Variants in RNF20 observed in about 807,000 individuals in gnomAD.
The protein encoded by RNF20 is E3 ubiquitin-protein ligase BRE1A.
In RNF20, 84 loss-of-function variants were observed where a neutral mutation model predicts 126.2. That is an observed-to-expected ratio of 0.67 (90% CI 0.56 to 0.80). The LOEUF is 0.80. Ranked by LOEUF, RNF20 falls within the 30% of genes least tolerant of loss-of-function variation. The pLI is 0.00. For missense variants in RNF20, 869 were observed against 1,188.2 expected, an observed-to-expected ratio of 0.73 and a Z score of 3.95; for synonymous variants, 400 against 414.3, an observed-to-expected ratio of 0.97 and a Z score of 0.42.
chr9:101,546,326 A>G (rs1827347182), intron 6 of RNF20, among the ~76,000 whole-genome samples: 2 of 152,168 alleles, frequency 1.3e-5, no homozygotes, highest in Admixed American at 1.3e-4. Context: ...ACTGTATTGT[A>G]TCTGACTCTA....
At position 101,546,819 on chromosome 9, in the gene RNF20, G is replaced by C; in HGVS notation, c.748-1G>C. On this transcript the variant is annotated splice_acceptor_variant, in intron 6 of 19. Transcript: ENST00000389120. LOFTEE classifies it high-confidence loss of function. ...TCTGAATGTTTGTCTTTGGGATGTAGTTCTCCAAGTTGCAGAGTAAAGTGG... is the reference window on the plus strand; with the variant it reads ...TCTGAATGTTTGTCTTTGGGATGTACTTCTCCAAGTTGCAGAGTAAAGTGG... 6.2e-7 allele frequency: 1 copy of C among 1,614,074 alleles called. No homozygotes were observed. The highest frequency in any genetic ancestry group is 8.5e-7 in the Non-Finnish European group (1 of 1,179,952).
At chr9:101,554,909 A>C (rs966772475) in intron 15 of RNF20, 66 bp downstream of exon 15, 4 of 1,277,838 alleles carry the variant, frequency 3.1e-6, no homozygotes, top group African/African-American at 1.5e-5. Flanking sequence ...AGTTATTGCC[A>C]GTGAAATTTG....
chr9:101,552,539 A>T lies in RNF20; in HGVS notation c.1687A>T (p.Lys563Ter). ...GGAGGATGCCAATGAAATCAAGTCT[A>T]AACGGGATGAAGAAGAACGAGAACG... is the stretch of plus-strand genomic sequence containing the variant. ...SQEDANEIKS[K>*]RDEEERERER... Residue 563 changes from lysine (K) to a stop codon, truncating the protein, a stop_gained, in exon 13 of 20, where the codon AAA becomes TAA. Coordinates refer to ENST00000389120, the MANE Select transcript of RNF20 (RefSeq NM_019592.7). LOFTEE classifies it high-confidence loss of function. The T allele has an allele frequency of 1.2e-6, 2 of 1,613,902 alleles. No individual in the cohort carries two copies. The highest frequency in any genetic ancestry group is 1.7e-6 in the Non-Finnish European group (2 of 1,179,852).
chr9:101,545,655 T>G lies in RNF20; in HGVS notation c.747+770T>G, dbSNP rs543826309. Among the ~76,000 whole-genome samples the G allele has an allele frequency of 2.0e-5, 3 of 152,348 alleles. No individual in the cohort carries two copies. The South Asian group carries it at 6.2e-4, about 32-fold the overall frequency. ...TTGCATGAATATCATCTGGGGAATT[T>G]ATTAATTCATATGGATTATCCTGGA... On this transcript the variant is annotated intron_variant, in intron 6 of 19. Transcript: ENST00000389120.
intron 2 of RNF20, 106 bp downstream of exon 2, chr9:101,535,658 GAA>G: frequency 2.4e-6 from 3 of 1,275,048 alleles, no homozygotes; most frequent in South Asian, 2.9e-5. Flanking sequence ...TATTTGAAAA[GAA>G]GAGGGAAATA....
intron 16 of RNF20, among the ~76,000 whole-genome samples, chr9:101,559,891 A>C (rs1827598622): frequency 6.6e-6 from 1 of 152,014 alleles, no homozygotes; most frequent in Non-Finnish European, 1.5e-5. Flanking sequence ...GATGCCTTTT[A>C]TTTCTTTCTC....
intron 17 of RNF20, 33 bp from the exon 18 acceptor site, chr9:101,561,057 C>A (rs750468534): frequency 3.7e-6 from 6 of 1,610,318 alleles, no homozygotes; most frequent in Non-Finnish European, 5.1e-6. Context: ...ATAGGTGATA[C>A]AATGGTGTCA....
At chr9:101,542,893 A>C (rs146399620) in intron 5 of RNF20, among the ~76,000 whole-genome samples, 1 of 152,236 alleles carries the variant, frequency 6.6e-6, no homozygotes, top group Admixed American at 6.5e-5. Flanking sequence ...TGCCATTGGT[A>C]AGCTGAACTT....
chr9:101,544,282 T>A (rs1422677943), intron 5 of RNF20, among the ~76,000 whole-genome samples: 5 of 152,212 alleles, frequency 3.3e-5, no homozygotes, highest in African/African-American at 4.8e-5. Context: ...TAAGAGCATA[T>A]GATTCTTGCT....
intron 6 of RNF20, among the ~76,000 whole-genome samples, chr9:101,545,798 T>G (rs1186244902): frequency 6.6e-6 from 1 of 152,222 alleles, no homozygotes; most frequent in Non-Finnish European, 1.5e-5. Context: ...TGGAGAGGTC[T>G]TCCTTTTCTA....
intron 18 of RNF20, 148 bp downstream of exon 18, chr9:101,561,378 C>A: frequency 1.3e-6 from 1 of 769,980 alleles, no homozygotes; most frequent in Non-Finnish European, 2.1e-6. Context: ...AGTCTGTTTT[C>A]TTCACTGCCA....
chr9:101,534,936 C>G (rs918324617), intron 1 of RNF20, among the ~76,000 whole-genome samples: 3 of 146,912 alleles, frequency 2.0e-5, no homozygotes, highest in Admixed American at 1.4e-4. Context: ...GAGACGGAGT[C>G]CCGCTCTGTT....
At chr9:101,535,269 T>G in intron 1 of RNF20, 129 bp from the exon 2 acceptor site, 2 of 523,972 alleles carry the variant, frequency 3.8e-6, no homozygotes, top group East Asian at 3.6e-5. Flanking sequence ...AATATGGAGA[T>G]GGTTGTGGAA....
chr9:101,534,611 G>C (rs1047847930), intron 1 of RNF20, among the ~76,000 whole-genome samples: 1 of 152,242 alleles, frequency 6.6e-6, no homozygotes, highest in South Asian at 2.1e-4. Context: ...ATATACTGTG[G>C]TTATTTATTC....
chr9:101,552,522 C>G lies in RNF20; in HGVS notation c.1670C>G (p.Ala557Gly). 2 of 1,613,622 alleles carry G rather than the reference C, an allele frequency of 1.2e-6. No homozygotes were observed. The highest frequency in any genetic ancestry group is 1.7e-6 in the Non-Finnish European group (2 of 1,179,940). The change falls in exon 13 of 20, where the codon GCC becomes GGC. Residue 557 changes from alanine to glycine, a missense_variant. Ala to Gly is a moderately conservative substitution (Grantham distance 60, BLOSUM62 0). Around this residue, in one of 8 missense-constraint regions of RNF20, gnomAD observed 231 missense variants for 263.6 expected, o/e 0.88. Transcript: ENST00000389120. ...GCTTCAAAGGCATCTCAGGAGGATG[C>G]CAATGAAATCAAGTCTAAACGGGAT... ...SSASKASQED[A>G]NEIKSKRDEE...
At chr9:101,556,269 T>C (rs1421542320) in intron 15 of RNF20, among the ~76,000 whole-genome samples, 1 of 152,068 alleles carries the variant, frequency 6.6e-6, no homozygotes, top group Non-Finnish European at 1.5e-5. Flanking sequence ...ACAAGAGAAA[T>C]TGAAAAAGAA....
chr9:101,562,164 C>T, intron 19 of RNF20, 82 bp from the exon 20 acceptor site: 1 of 1,456,300 alleles, frequency 6.9e-7, no homozygotes, highest in Non-Finnish European at 9.4e-7. Context: ...TGTGGGTTTT[C>T]TTCTTGGTTG....
At chr9:101,546,072 T>C (rs1827342677) in intron 6 of RNF20, among the ~76,000 whole-genome samples, 1 of 152,154 alleles carries the variant, frequency 6.6e-6, no homozygotes, top group South Asian at 2.1e-4. Flanking sequence ...GCCTCAAAAT[T>C]GTGTAGTGAC....
rs1827239125 is a variant in RNF20, at chr9:101,540,293, GA to G, written c.221del (p.Glu74GlyfsTer18). 6.2e-7 allele frequency: 1 copy of G among 1,614,034 alleles called. No homozygotes were observed. The highest frequency in any genetic ancestry group is 1.3e-5 in the African/African-American group (1 of 74,912). ...QRQAIEDELREHIEKLERRQA... is the reference protein window; with the variant it reads ...QRQAIEDELRXHIEKLERRQA... ...GCAGGCCATTGAAGATGAACTTCGT[GA>G]GCACATTGAAAAACTGGAACGACGA... is the stretch of plus-strand genomic sequence containing the variant. On this transcript the variant is annotated frameshift_variant, in exon 3 of 20. Transcript: ENST00000389120. LOFTEE classifies it high-confidence loss of function.
Sources: allele counts gnomAD v4.1 joint callset (sites outside exome capture counted in the v4.1 genomes callset), GRCh38; gene constraint gnomAD v4.1.1; regional missense constraint gnomAD v4.1.1; transcripts MANE v1.5; gene names NCBI Gene and HGNC (gene_info 2026-07-23, HGNC 2026-07-21).